PLEKHB2: variants seen among roughly 807,000 people sequenced by gnomAD.
The protein encoded by PLEKHB2 is pleckstrin homology domain containing B2.
PLEKHB2 carries 31 observed loss-of-function variants against 36.5 expected under a neutral mutation model. The ratio of observed to expected loss-of-function variants is 0.85; its 90% CI spans 0.64 to 1.15. The LOEUF is 1.15. Ranked by LOEUF, PLEKHB2 falls within the 50% of genes most tolerant of loss-of-function variation. The probability of loss-of-function intolerance (pLI) is 0.00; values close to 1 mark genes in which losing one functional copy is unlikely to be tolerated. For synonymous variants in PLEKHB2, 119 were observed against 112.0 expected (o/e 1.06, Z -0.39); for missense variants, 262 against 295.3 (o/e 0.89, Z 0.83).
chr2:131,127,872 T>A (rs1331972264), intron 4 of PLEKHB2, among the ~76,000 whole-genome samples: 1 of 152,226 alleles, frequency 6.6e-6, no homozygotes, highest in Non-Finnish European at 1.5e-5. Context: ...AAGAATGTGA[T>A]GTCCTTGGGG....
At chr2:131,137,582 G>T (rs1482458315) in intron 6 of PLEKHB2, among the ~76,000 whole-genome samples, 3 of 152,184 alleles carry the variant, frequency 2.0e-5, no homozygotes, top group African/African-American at 7.2e-5. Flanking sequence ...TCCTTGTGAT[G>T]TCTGCAGAGT....
chr2:131,117,015 G>C (rs937809718), intron 1 of PLEKHB2, among the ~76,000 whole-genome samples: 2 of 151,388 alleles, frequency 1.3e-5, no homozygotes, highest in African/African-American at 4.8e-5. Context: ...GCAGCTGCTT[G>C]GGAGGCTGAG....
chr2:131,114,322 C>CTACTAAACCAGG (rs1695634663), intron 1 of PLEKHB2, among the ~76,000 whole-genome samples: 1 of 152,220 alleles, frequency 6.6e-6, no homozygotes, highest in South Asian at 2.1e-4. Context: ...GACGGGGTTT[C>CTACTAAACCAGG]ATCGTGTTAG....
At chr2:131,131,929 G>T (rs1697747332) in intron 5 of PLEKHB2, among the ~76,000 whole-genome samples, 1 of 151,944 alleles carries the variant, frequency 6.6e-6, no homozygotes, top group Admixed American at 6.6e-5. Flanking sequence ...TGCCTCCTGG[G>T]TTCAAGCAGT....
intron 1 of PLEKHB2, among the ~76,000 whole-genome samples, chr2:131,106,087 C>G (rs897908265): frequency 6.6e-6 from 1 of 152,164 alleles, no homozygotes; most frequent in East Asian, 1.9e-4. Context: ...ATGTTTGATT[C>G]TGTTACTCAA....
chr2:131,132,846 C>T (rs990207918), intron 5 of PLEKHB2, 56 bp from the exon 6 acceptor site: 71 of 962,106 alleles, frequency 7.4e-5, no homozygotes, highest in Non-Finnish European at 1.1e-4. Flanking sequence ...TGCACAGCAT[C>T]GAGCACACAG....
At chr2:131,125,566 A>G (rs776055379) in intron 2 of PLEKHB2, among the ~76,000 whole-genome samples, 187 bp from the exon 3 acceptor site, 1 of 152,192 alleles carries the variant, frequency 6.6e-6, no homozygotes, top group Non-Finnish European at 1.5e-5. Flanking sequence ...AAGGCTGAGC[A>G]TGGTGGCATG....
intron 1 of PLEKHB2, chr2:131,107,657 A>C (rs1694872626): frequency 6.6e-6 from 1 of 152,144 alleles, no homozygotes; most frequent in East Asian, 1.9e-4. Flanking sequence ...AGCAGTTCTC[A>C]CTTTTTTATT....
At chr2:131,127,360 G>T (rs1697202209) in intron 4 of PLEKHB2, among the ~76,000 whole-genome samples, 1 of 152,146 alleles carries the variant, frequency 6.6e-6, no homozygotes, top group African/African-American at 2.4e-5. Context: ...GTTGTCACAT[G>T]GCCTTCTTCG....
intron 5 of PLEKHB2, among the ~76,000 whole-genome samples, chr2:131,131,120 CA>C (rs1413262331): frequency 1.7e-4 from 26 of 152,274 alleles, no homozygotes; most frequent in African/African-American, 6.0e-4. Flanking sequence ...TCTTGTGTAA[CA>C]ATTGGAGAAT....
At chr2:131,140,366 G>C in intron 7 of PLEKHB2, 91 bp downstream of exon 7, 1 of 658,418 alleles carries the variant, frequency 1.5e-6, no homozygotes, top group Non-Finnish European at 2.7e-6. Context: ...TCAGTTTAAG[G>C]TTACATGAGC....
At chr2:131,138,511 A>G (rs776020605) in intron 6 of PLEKHB2, among the ~76,000 whole-genome samples, 4 of 152,142 alleles carry the variant, frequency 2.6e-5, no homozygotes, top group Non-Finnish European at 5.9e-5. Context: ...CTCATGTTTT[A>G]GCAGACCTCC....
At position 131,136,790 on chromosome 2, in the gene PLEKHB2, C is replaced by T. The variant is rs145801810; in HGVS notation, c.424-3377C>T. Reference sequence around the variant, plus strand: ...TATAGAATAAATTGGAAAGTGTTTTCTGCTCTTTTCTTTTCTGGGAGAAAT... The same window carrying T: ...TATAGAATAAATTGGAAAGTGTTTTTTGCTCTTTTCTTTTCTGGGAGAAAT... On this transcript the variant is annotated intron_variant, in intron 6 of 7. Coordinates refer to ENST00000693505, the MANE Select transcript of PLEKHB2 (RefSeq NM_001100623.2). Among the ~76,000 whole-genome samples the T allele has an allele frequency of 4.2e-3, 639 of 151,740 alleles. 6 individuals carry two copies. Among genetic ancestry groups the T allele is most frequent in the Middle Eastern group, 6.8e-3 (2 of 292 alleles).
chr2:131,123,485 T>G (rs1024164743), intron 2 of PLEKHB2, among the ~76,000 whole-genome samples: 5 of 152,194 alleles, frequency 3.3e-5, no homozygotes, highest in Non-Finnish European at 5.9e-5. Context: ...CCTGACCCAG[T>G]GGTTCCACCT....
At chr2:131,115,935 A>C (rs1573537106) in intron 1 of PLEKHB2, among the ~76,000 whole-genome samples, 1 of 152,192 alleles carries the variant, frequency 6.6e-6, no homozygotes, top group Non-Finnish European at 1.5e-5. Context: ...GGCTTGTTTT[A>C]GAGGAGACTA....
In PLEKHB2 at chr2:131,140,287, C is replaced by T. The variant is rs368366443; in HGVS notation, c.532+12C>T. The T allele has an allele frequency of 2.2e-4, 308 of 1,425,378 alleles. 1 individual carries two copies. Among genetic ancestry groups the T allele is most frequent in the Middle Eastern group, 8.7e-4 (5 of 5,742 alleles). The allele number at this position is 1,425,378 out of a possible 1,614,324, so 88.3% of individuals were successfully genotyped here. A position where few individuals can be genotyped will look rare whatever the true frequency, so the allele number is the denominator to read the frequency against. On this transcript the variant is annotated intron_variant, in intron 7 of 7. Coordinates refer to ENST00000693505, the MANE Select transcript of PLEKHB2 (RefSeq NM_001100623.2). ...GTACCCATATGCAGGTAACTCACGC[C>T]GGCCTTTCATTCCTCATTTCTCTCC...
At chr2:131,109,137 A>C (rs1695024827) in intron 1 of PLEKHB2, among the ~76,000 whole-genome samples, 1 of 152,164 alleles carries the variant, frequency 6.6e-6, no homozygotes, top group South Asian at 2.1e-4. Flanking sequence ...GTTCGAGACC[A>C]GCTTGGGCAA....
intron 6 of PLEKHB2, among the ~76,000 whole-genome samples, chr2:131,135,591 T>C (rs1281175711): frequency 6.6e-6 from 1 of 152,086 alleles, no homozygotes; most frequent in Admixed American, 6.5e-5. Context: ...TTCCTGATTT[T>C]AGGGGGGATG....
chr2:131,120,805 G>A (rs1341449649), intron 1 of PLEKHB2, 129 bp from the exon 2 acceptor site: 2 of 823,018 alleles, frequency 2.4e-6, no homozygotes, highest in South Asian at 1.4e-5. Context: ...ATGCCAGGGG[G>A]GCACTGAGCT....
Sources: allele counts gnomAD v4.1 joint callset (sites outside exome capture counted in the v4.1 genomes callset), GRCh38; gene constraint gnomAD v4.1.1; transcripts MANE v1.5; gene names NCBI Gene and HGNC (gene_info 2026-07-23, HGNC 2026-07-21).